CCDC88A: variants seen among roughly 807,000 people sequenced by gnomAD.
CCDC88A encodes the protein coiled-coil and HOOK domain protein 88A.
In CCDC88A, 54 loss-of-function variants were observed where a neutral mutation model predicts 234.3. The observed-to-expected ratio is 0.23, with a 90% CI of 0.19 to 0.29. CCDC88A has a LOEUF of 0.29. Ranked by LOEUF, CCDC88A falls within the 10% of genes least tolerant of loss-of-function variation. CCDC88A has a pLI of 1.00. For synonymous variants in CCDC88A, 753 were observed against 737.8 expected, an observed-to-expected ratio of 1.02 and a Z score of -0.33; for missense variants, 1,832 against 2,123.4, an observed-to-expected ratio of 0.86 and a Z score of 2.70.
chr2:55,332,479 T>C lies in CCDC88A; in HGVS notation c.2855+87A>G. 1.3e-6 allele frequency: 2 copies of C among 1,508,206 alleles called. No individual in the cohort carries two copies. Among genetic ancestry groups the C allele is most frequent in the Non-Finnish European group, 1.8e-6 (2 of 1,136,908 alleles). 93.4% of individuals were successfully genotyped at this position (1,508,206 alleles called of 1,614,324 possible). A position where few individuals can be genotyped will look rare whatever the true frequency, so the allele number is the denominator to read the frequency against. ...GAAATAGGGTGAAATATATAAATGT[T>C]TTCTATAGCTAGTACAGAAAGAATT... is the stretch of plus-strand genomic sequence containing the variant. On this transcript the variant is annotated intron_variant, in intron 16 of 32. Transcript: ENST00000436346. The surrounding 1 kb of genome is among the most constrained non-coding windows in gnomAD (Gnocchi z 4.5).
intron 2 of CCDC88A, among the ~76,000 whole-genome samples, chr2:55,415,461 A>G (rs961821475): frequency 3.9e-5 from 6 of 152,184 alleles, no homozygotes; most frequent in East Asian, 1.9e-4. Flanking sequence ...GTGATCCCCA[A>G]TCGATGGGAA....
In CCDC88A at chr2:55,288,648, G is replaced by C. The variant is rs1207185953; in HGVS notation, c.*2552C>G. ...TTGGTAACCACCAATTTAAAAATTT[G>C]GATGAAAGCATTTCCACATGGACAG... is the stretch of plus-strand genomic sequence containing the variant. On this transcript the variant is annotated 3_prime_UTR_variant, in exon 33 of 33. Transcript: ENST00000436346. The C allele has an allele frequency of 1.3e-5, 2 of 152,580 alleles. No individual in the cohort carries two copies. Among genetic ancestry groups the C allele is most frequent in the African/African-American group, 2.4e-5 (1 of 41,430 alleles). The allele number at this position is 152,580 out of a possible 1,614,324, so 9.5% of individuals were successfully genotyped here.
At chr2:55,346,017 A>T in intron 10 of CCDC88A, 158 bp downstream of exon 10, 2 of 502,554 alleles carry the variant, frequency 4.0e-6, no homozygotes, top group Admixed American at 7.4e-5. Flanking sequence ...AGTCTAACTA[A>T]AAGCAATATG....
chr2:55,294,207 T>C (rs1679766211), intron 31 of CCDC88A: 1 of 885,106 alleles, frequency 1.1e-6, no homozygotes, highest in Non-Finnish European at 1.4e-6. Flanking sequence ...TTTGACTCTC[T>C]ATAAAAAAAG....
chr2:55,381,552 C>CAAA (rs5831359), intron 3 of CCDC88A, among the ~76,000 whole-genome samples: 4,227 of 92,272 alleles, frequency 0.046, 407 homozygotes, highest in African/African-American at 0.12. Flanking sequence ...GACCCTGTCT[C>CAAA]AAAAAAAAAA....
intron 17 of CCDC88A, among the ~76,000 whole-genome samples, chr2:55,327,623 A>C (rs1244411782): frequency 6.6e-6 from 1 of 152,208 alleles, no homozygotes; most frequent in African/African-American, 2.4e-5. Context: ...TTATCAGTCT[A>C]AGTGTTTAGT....
chr2:55,382,503 TTC>T (rs1394890031), intron 3 of CCDC88A, among the ~76,000 whole-genome samples: 1 of 152,138 alleles, frequency 6.6e-6, no homozygotes, highest in African/African-American at 2.4e-5. Context: ...TATGACAGGG[TTC>T]TATAGACAAC....
chr2:55,385,379 A>G (rs1301719931), intron 3 of CCDC88A, among the ~76,000 whole-genome samples: 1 of 152,210 alleles, frequency 6.6e-6, no homozygotes. Context: ...TATGGAGTGA[A>G]TTAGTAAATT....
chr2:55,339,660 A>G lies in CCDC88A; in HGVS notation c.1334-12T>C, dbSNP rs748467811. 28 of 1,587,546 alleles carry G rather than the reference A, an allele frequency of 1.8e-5. 1 individual carries two copies. Among genetic ancestry groups the G allele is most frequent in the Admixed American group, 3.8e-5 (2 of 52,424 alleles). ...GGATTTCTGGGGTGCTATAATATTGAAAAATACACCATTGTATTTACTCTT... is the reference window on the plus strand; with the variant it reads ...GGATTTCTGGGGTGCTATAATATTGGAAAATACACCATTGTATTTACTCTT... On this transcript the variant is annotated splice_polypyrimidine_tract_variant and intron_variant, in intron 12 of 32. Coordinates refer to ENST00000436346, the MANE Select transcript of CCDC88A (RefSeq NM_001365480.1).
intron 3 of CCDC88A, among the ~76,000 whole-genome samples, chr2:55,375,499 ATATATATATATATGTATG>A (rs772961842): frequency 0.16 from 3,782 of 23,982 alleles, 126 homozygotes; most frequent in Non-Finnish European, 0.25. Flanking sequence ...ATATATATAT[ATATATATATATATGTATG>A]TATGTATAAA....
chr2:55,316,066 T>G lies in CCDC88A; in HGVS notation c.3795A>C (p.Gln1265His). Residue 1265 changes from glutamine to histidine, a missense_variant, in exon 22 of 33, where the codon CAA (glutamine) becomes CAC (histidine). This residue lies in a region of CCDC88A where 1,282 missense variants were observed against 1,543.6 expected (regional missense o/e 0.83). Coordinates refer to ENST00000436346, the MANE Select transcript of CCDC88A (RefSeq NM_001365480.1). Reference protein sequence around the residue: ...SQLLKETEVLQTDHKNLKSLL... With the variant: ...SQLLKETEVLHTDHKNLKSLL... ...GACTTTTCAAATTTTTATGGTCAGTTTGTAAAACTTCAGTCTCTTTTAAAA... is the reference window on the plus strand; with the variant it reads ...GACTTTTCAAATTTTTATGGTCAGTGTGTAAAACTTCAGTCTCTTTTAAAA... 2 of 1,571,480 alleles carry G rather than the reference T, an allele frequency of 1.3e-6. No homozygotes were observed. The highest frequency in any genetic ancestry group is 1.7e-6 in the Non-Finnish European group (2 of 1,149,570).
At chr2:55,416,670 G>A (rs1171548088) in intron 2 of CCDC88A, among the ~76,000 whole-genome samples, 1 of 150,866 alleles carries the variant, frequency 6.6e-6, no homozygotes, top group Non-Finnish European at 1.5e-5. Flanking sequence ...GTAGAAATTA[G>A]ACTAGGCCTA....
chr2:55,360,681 A>G (rs552202773), intron 7 of CCDC88A, among the ~76,000 whole-genome samples: 1 of 152,224 alleles, frequency 6.6e-6, no homozygotes, highest in Non-Finnish European at 1.5e-5. Flanking sequence ...GCATGTAATG[A>G]TAAGTATTCT....
chr2:55,309,825 G>C lies in CCDC88A; in HGVS notation c.4080-571C>G, dbSNP rs1329269239. ...GAGGAAGGCATGAGGTATATATGAA[G>C]ATGAATAATAAATAGCTTTGTTTAC... is the stretch of plus-strand genomic sequence containing the variant. On this transcript the variant is annotated intron_variant, in intron 23 of 32. Coordinates refer to ENST00000436346, the MANE Select transcript of CCDC88A (RefSeq NM_001365480.1). This position sits in a 1 kb window ranked among gnomAD's most constrained non-coding sequence, Gnocchi z 5.1. 6.6e-6 allele frequency among the ~76,000 whole-genome samples: 1 copy of C among 152,056 alleles called. No individual in the cohort carries two copies. Among genetic ancestry groups the C allele is most frequent in the Non-Finnish European group, 1.5e-5 (1 of 68,002 alleles).
intron 2 of CCDC88A, among the ~76,000 whole-genome samples, chr2:55,414,002 A>G (rs948692048): frequency 6.6e-5 from 10 of 151,962 alleles, no homozygotes; most frequent in African/African-American, 2.4e-4. Flanking sequence ...ACAAACAAAA[A>G]AGGGCAGATG....
At chr2:55,392,068 T>C (rs1171783074) in intron 2 of CCDC88A, among the ~76,000 whole-genome samples, 1 of 152,238 alleles carries the variant, frequency 6.6e-6, no homozygotes, top group Non-Finnish European at 1.5e-5. Flanking sequence ...TGACTCATAA[T>C]TAAGTTTAGG....
At chr2:55,355,505 T>C (rs979513018) in intron 8 of CCDC88A, 74 bp downstream of exon 8, 61 of 1,278,316 alleles carry the variant, frequency 4.8e-5, no homozygotes, top group Non-Finnish European at 6.1e-5. Flanking sequence ...AATATTTCCA[T>C]AAGCTTAAAA....
intron 5 of CCDC88A, among the ~76,000 whole-genome samples, chr2:55,371,778 G>A (rs991521812): frequency 4.2e-5 from 4 of 94,482 alleles, no homozygotes; most frequent in Admixed American, 1.2e-4. Context: ...GAGCCACCAC[G>A]CCTAGCCCAC....
intron 3 of CCDC88A, among the ~76,000 whole-genome samples, chr2:55,382,506 T>C (rs139981704): frequency 0.014 from 2,130 of 152,300 alleles, 27 homozygotes; most frequent in Middle Eastern, 0.027. Flanking sequence ...GACAGGGTTC[T>C]ATAGACAACT....
Sources: gnomAD v4.1 joint callset for allele counts (sites outside exome capture counted in the v4.1 genomes callset) on GRCh38, gnomAD v4.1.1 for gene constraint, gnomAD v4.1.1 regional missense constraint, Gnocchi (gnomAD v3.1) non-coding constraint, MANE v1.5 for transcripts, NCBI Gene and HGNC (gene_info 2026-07-23, HGNC 2026-07-21) for gene names.